The following COL5A1 variants were observed in gnomAD, a reference collection of about 807,000 sequenced individuals.
COL5A1 encodes collagen type V alpha 1 chain.
In COL5A1, 16 loss-of-function variants were observed where a neutral mutation model predicts 263.7. The observed-to-expected ratio is 0.06, with a 90% CI of 0.04 to 0.09. COL5A1 has a LOEUF of 0.09. Ranked by LOEUF, COL5A1 falls within the 10% of genes least tolerant of loss-of-function variation. The probability of loss-of-function intolerance (pLI) is 1.00; values close to 1 mark genes in which losing one functional copy is unlikely to be tolerated. For synonymous variants in COL5A1, 1,012 were observed against 1,004.5 expected, an observed-to-expected ratio of 1.01 and a Z score of -0.14; for missense variants, 2,036 against 2,540.5, an observed-to-expected ratio of 0.80 and a Z score of 4.27.
At chr9:134,653,837 T>G (rs1271532648) in intron 1 of COL5A1, among the ~76,000 whole-genome samples, 5 of 124,948 alleles carry the variant, frequency 4.0e-5, no homozygotes, top group Middle Eastern at 6.5e-3. Flanking sequence ...CAGGGCCGGG[T>G]GTCTGTAGGG....
rs1837313031 is a variant in COL5A1 at position 134,782,828 on chromosome 9, G to A, written c.2484+108G>A. 8.1e-6 allele frequency: 9 copies of A among 1,109,124 alleles called. No homozygotes were observed. In the South Asian group the frequency reaches 8.8e-5, roughly 11 times the overall value. 68.7% of individuals were successfully genotyped at this position (1,109,124 alleles called of 1,614,324 possible). On this transcript the variant is annotated intron_variant, in intron 29 of 65. Transcript: ENST00000371817. ...CACAGGGCAGCTTCTCAGAATGGAG[G>A]TAAACTCTTGGTAGAGATTCCTGGT...
intron 42 of COL5A1, among the ~76,000 whole-genome samples, chr9:134,806,993 G>A (rs1292751762): frequency 6.6e-6 from 1 of 152,196 alleles, no homozygotes; most frequent in African/African-American, 2.4e-5. Context: ...CCAAGAAGGA[G>A]ATGAGCGAGC....
rs1840013414 is a variant in COL5A1 at position 134,841,225 on chromosome 9, C to T, written c.5371-932C>T. Among the ~76,000 whole-genome samples the T allele has an allele frequency of 6.6e-6, 1 of 152,216 alleles. No individual in the cohort carries two copies. The highest frequency in any genetic ancestry group is 2.4e-5 in the African/African-American group (1 of 41,470). On this transcript the variant is annotated intron_variant, in intron 65 of 65. Transcript: ENST00000371817. This position sits in a 1 kb window ranked among gnomAD's most constrained non-coding sequence, Gnocchi z 4.8. ...TCTGAGGTAGCAAAAGCCATCTGCC[C>T]AGGATGCGTTTGCAGGCTCCTGGTT...
At chr9:134,753,946 G>T (rs534650851) in intron 15 of COL5A1, 43 bp downstream of exon 15, 6 of 1,560,542 alleles carry the variant, frequency 3.8e-6, no homozygotes, top group Non-Finnish European at 5.3e-6. Flanking sequence ...GGCGCCTCCC[G>T]TTCTCCGGCG....
intron 42 of COL5A1, 34 bp downstream of exon 42, chr9:134,806,330 C>T (rs561871336): frequency 6.9e-7 from 1 of 1,441,088 alleles, no homozygotes; most frequent in Admixed American, 2.0e-5. Context: ...GAGCCCTTCC[C>T]TCAGAGATGC....
chr9:134,797,015 C>T lies in COL5A1; in HGVS notation c.2898+114C>T, dbSNP rs139330287. 7,684 of 1,186,280 alleles carry T rather than the reference C, an allele frequency of 6.5e-3. 37 individuals are homozygous for T. Among genetic ancestry groups the T allele is most frequent in the Non-Finnish European group, 7.7e-3 (6,170 of 798,224 alleles). 73.5% of individuals were successfully genotyped at this position (1,186,280 alleles called of 1,614,324 possible). On this transcript the variant is annotated intron_variant, in intron 36 of 65. Coordinates refer to ENST00000371817, the MANE Select transcript of COL5A1 (RefSeq NM_000093.5). ...GTCTGCTCGGAGCTCCTCACAGTGG[C>T]CGGTGGGTGGAGGGAGGCCCGAGGT... is the stretch of plus-strand genomic sequence containing the variant.
At chr9:134,695,992 C>T (rs1317666397) in intron 2 of COL5A1, among the ~76,000 whole-genome samples, 1 of 152,110 alleles carries the variant, frequency 6.6e-6, no homozygotes, top group Non-Finnish European at 1.5e-5. Flanking sequence ...GGGCCTCTGC[C>T]CTGGGCCTGC....
chr9:134,829,859 C>G, intron 63 of COL5A1, 117 bp from the exon 64 acceptor site: 4 of 1,170,852 alleles, frequency 3.4e-6, no homozygotes, highest in East Asian at 2.6e-5. Flanking sequence ...TGCAGCCCCC[C>G]CGGCGTGAGG....
intron 1 of COL5A1, among the ~76,000 whole-genome samples, chr9:134,648,713 C>T (rs1277741618): frequency 3.9e-5 from 6 of 152,218 alleles, no homozygotes; most frequent in Non-Finnish European, 5.9e-5. Flanking sequence ...CTGGCCTGTG[C>T]GTGCTCCCTT....
At chr9:134,792,873 T>TGTGCACACGTGTGTGTGCGCGCGTG (rs1837762188) in intron 32 of COL5A1, among the ~76,000 whole-genome samples, 3 of 37,452 alleles carry the variant, frequency 8.0e-5, no homozygotes, top group African/African-American at 2.5e-4. Context: ...GTGCGCGCGT[T>TGTGCACACGTGTGTGTGCGCGCGTG]TGTGCACACG....
At chr9:134,645,473 A>G (rs958134022) in intron 1 of COL5A1, among the ~76,000 whole-genome samples, 4 of 152,256 alleles carry the variant, frequency 2.6e-5, no homozygotes, top group African/African-American at 4.8e-5. Flanking sequence ...GGGCACCCAC[A>G]TAGGAGCCTG....
intron 42 of COL5A1, 134 bp downstream of exon 42, chr9:134,806,430 C>A: frequency 1.5e-6 from 1 of 654,624 alleles, no homozygotes; most frequent in South Asian, 1.9e-5. Flanking sequence ...GGGTCTGCGG[C>A]CCTCTAGGAC....
rs1291001192 is a variant in COL5A1 at position 134,811,353 on chromosome 9, T to C, written c.3543T>C (p.Pro1181=). 6.2e-7 allele frequency: 1 copy of C among 1,614,024 alleles called. No homozygotes were observed. Among genetic ancestry groups the C allele is most frequent in the South Asian group, 1.1e-5 (1 of 91,076 alleles). Residue 1181 remains proline, a synonymous_variant, in exon 45 of 66, where the codon CCT becomes CCC. Coordinates refer to ENST00000371817, the MANE Select transcript of COL5A1 (RefSeq NM_000093.5). The stretch of plus-strand genomic sequence containing the variant: ...GTTCCCCGCAGGGTCCTCCTGGGCC[T>C]ACAGGTCCTCAAGGCCCCATCGGAC... ...GDKGEQGPPG[P]TGPQGPIGQP...
intron 64 of COL5A1, among the ~76,000 whole-genome samples, chr9:134,831,075 C>T (rs1455899659): frequency 1.3e-5 from 2 of 152,224 alleles, no homozygotes; most frequent in African/African-American, 2.4e-5. Flanking sequence ...GGGCCTTGCT[C>T]TCAGAAGGCA....
Position 134,825,085 on chromosome 9 carries a change from C to T in COL5A1, c.4954+230C>T, listed in dbSNP as rs73561969. Among the ~76,000 whole-genome samples the T allele has an allele frequency of 3.1e-3, 479 of 152,344 alleles. 1 individual carries two copies. Among genetic ancestry groups the T allele is most frequent in the African/African-American group, 0.011 (452 of 41,592 alleles). On this transcript the variant is annotated intron_variant, in intron 62 of 65. Transcript: ENST00000371817. ...GGCCAAGGCTTTGAGGTCAGACTCT[C>T]CAGGTTCTCATCTGGTCTTAGGCAT...
At chr9:134,734,528 C>T (rs550911940) in intron 9 of COL5A1, among the ~76,000 whole-genome samples, 10 of 152,372 alleles carry the variant, frequency 6.6e-5, no homozygotes, top group Non-Finnish European at 1.2e-4. Flanking sequence ...TGCGGGCGTC[C>T]CGGCCTGTGG....
chr9:134,801,819 G>T, intron 37 of COL5A1, 135 bp from the exon 38 acceptor site: 1 of 795,294 alleles, frequency 1.3e-6, no homozygotes, highest in Non-Finnish European at 2.2e-6. Flanking sequence ...AGAGACATGG[G>T]CCTCTTACAC....
In COL5A1 at chr9:134,701,192, C is replaced by T. The variant is rs754997436; in HGVS notation, c.513C>T (p.Ser171=). ...SDGKWHRIAL[S]VHKKNVTLIL... ...GCAGGTGGCACAGAATTGCTCTCAG[C>T]GTCCACAAGAAAAATGTCACCTTGA... The change falls in exon 4 of 66, where the codon AGC becomes AGT. Residue 171 remains serine, a synonymous_variant. Coordinates refer to ENST00000371817, the MANE Select transcript of COL5A1 (RefSeq NM_000093.5). 4.6e-5 allele frequency: 75 copies of T among 1,613,902 alleles called. 1 individual carries two copies. Among genetic ancestry groups the T allele is most frequent in the South Asian group, 2.7e-4 (25 of 91,064 alleles).
In COL5A1 at chr9:134,696,268, G is replaced by C. The variant is rs532378625; in HGVS notation, c.278-3641G>C. On this transcript the variant is annotated intron_variant, in intron 2 of 65. Transcript: ENST00000371817. This position sits in a 1 kb window ranked among gnomAD's most constrained non-coding sequence, Gnocchi z 4.3. ...GGCTCACGGCAACCTCTGCCTCCCA[G>C]GTTCAAGCGATTCTCCTGCCTCAGC... Among the ~76,000 whole-genome samples, 8 of 152,272 alleles carry C rather than the reference G, an allele frequency of 5.3e-5. No individual in the cohort carries two copies. The highest frequency in any genetic ancestry group is 2.6e-4 in the Admixed American group (4 of 15,288).
Sources: allele counts gnomAD v4.1 joint callset (sites outside exome capture counted in the v4.1 genomes callset), GRCh38; gene constraint gnomAD v4.1.1; non-coding constraint Gnocchi (gnomAD v3.1); transcripts MANE v1.5; gene names NCBI Gene and HGNC (gene_info 2026-07-23, HGNC 2026-07-21).